Variants in ODR4 observed in about 807,000 individuals in gnomAD.
The protein encoded by ODR4 is protein odr-4 homolog.
ODR4 carries 47 observed loss-of-function variants against 60.2 expected under a neutral mutation model. That is an observed-to-expected ratio of 0.78 (90% CI 0.62 to 1.00). ODR4 has a LOEUF of 1.00. Among genes scored for constraint, ODR4 ranks in the 50% least tolerant of loss-of-function variants. The pLI is 0.00. For missense variants in ODR4, 488 were observed against 530.8 expected (o/e 0.92, Z 0.79); for synonymous variants, 178 against 175.5 (o/e 1.01, Z -0.11).
intron 12 of ODR4, among the ~76,000 whole-genome samples, chr1:186,412,220 C>T (rs777575029): frequency 3.3e-5 from 5 of 152,118 alleles, no homozygotes; most frequent in Admixed American, 2.6e-4. Context: ...ATATGCTGAT[C>T]CCTGGTTTTA....
intron 13 of ODR4, among the ~76,000 whole-genome samples, chr1:186,418,669 T>A (rs1661676567): frequency 6.6e-6 from 1 of 152,242 alleles, no homozygotes; most frequent in African/African-American, 2.4e-5. Context: ...CCGTTTTCTT[T>A]TAACCTACGT....
intron 2 of ODR4, among the ~76,000 whole-genome samples, chr1:186,381,930 G>A (rs1660049141): frequency 6.6e-6 from 1 of 152,146 alleles, no homozygotes; most frequent in Admixed American, 6.5e-5. Context: ...ATCCCAAGAT[G>A]ATACTAATGA....
intron 6 of ODR4, among the ~76,000 whole-genome samples, chr1:186,390,334 A>G (rs1660414290): frequency 6.6e-6 from 1 of 152,214 alleles, no homozygotes; most frequent in African/African-American, 2.4e-5. Flanking sequence ...CAAGGATGGG[A>G]CAGAAAGGAG....
intron 2 of ODR4, among the ~76,000 whole-genome samples, chr1:186,382,210 G>T (rs1219193669): frequency 6.8e-6 from 1 of 146,298 alleles, no homozygotes; most frequent in Non-Finnish European, 1.5e-5. Flanking sequence ...GTTTGACCTA[G>T]CCTGGGCAAC....
chr1:186,406,065 T>A lies in ODR4; in HGVS notation c.1001-18T>A. 1 of 1,509,056 alleles carries A rather than the reference T, an allele frequency of 6.6e-7. No individual in the cohort carries two copies. Among genetic ancestry groups the A allele is most frequent in the Non-Finnish European group, 8.9e-7 (1 of 1,123,314 alleles). 93.5% of individuals were successfully genotyped at this position (1,509,056 alleles called of 1,614,324 possible). The stretch of plus-strand genomic sequence containing the variant: ...GACAAACCTATCTAAATATTGATAA[T>A]ATTTCTTTTCCTTTTAGATTCTGAA... On this transcript the variant is annotated intron_variant, in intron 11 of 13. Transcript: ENST00000287859.
intron 11 of ODR4, among the ~76,000 whole-genome samples, chr1:186,405,668 C>T (rs1187863611): frequency 1.3e-5 from 2 of 152,162 alleles, no homozygotes; most frequent in African/African-American, 4.8e-5. Context: ...CCTCCTGCCT[C>T]AGCCTCCTGA....
intron 9 of ODR4, among the ~76,000 whole-genome samples, chr1:186,397,226 C>T (rs1660716955): frequency 6.6e-6 from 1 of 152,108 alleles, no homozygotes. Context: ...TGTCAGTATT[C>T]TCCTCTTCAT....
chr1:186,385,134 A>G (rs1291327094), intron 3 of ODR4, among the ~76,000 whole-genome samples: 1 of 152,018 alleles, frequency 6.6e-6, no homozygotes, highest in South Asian at 2.1e-4. Context: ...AAATAATTCT[A>G]TGAATGCAGA....
At position 186,421,168 on chromosome 1, in the gene ODR4, C is replaced by T. The variant is rs577245164; in HGVS notation, c.*2092C>T. 6.6e-6 allele frequency: 1 copy of T among 152,066 alleles called. No homozygotes were observed. Among genetic ancestry groups the T allele is most frequent in the Non-Finnish European group, 1.5e-5 (1 of 68,002 alleles). 9.4% of individuals were successfully genotyped at this position (152,066 alleles called of 1,614,324 possible). A position where few individuals can be genotyped will look rare whatever the true frequency, so the allele number is the denominator to read the frequency against. Reference sequence around the variant, plus strand: ...TGAAAAACAGATGTTATCCTCAGCACAAATTCAGTAAAGAGACTACAAAAG... The same window carrying T: ...TGAAAAACAGATGTTATCCTCAGCATAAATTCAGTAAAGAGACTACAAAAG... On this transcript the variant is annotated 3_prime_UTR_variant, in exon 14 of 14. Coordinates refer to ENST00000287859, the MANE Select transcript of ODR4 (RefSeq NM_017847.6).
At chr1:186,410,082 A>G (rs1661316208) in intron 12 of ODR4, among the ~76,000 whole-genome samples, 1 of 152,220 alleles carries the variant, frequency 6.6e-6, no homozygotes. Flanking sequence ...TGTACCTAAA[A>G]CATGGTAGGT....
In ODR4 at chr1:186,411,194, T is replaced by G. The variant is rs1194256407; in HGVS notation, c.1186+4926T>G. Among the ~76,000 whole-genome samples, 6 of 152,068 alleles carry G rather than the reference T, an allele frequency of 3.9e-5. No homozygotes were observed. The East Asian group carries it at 1.2e-3, about 29-fold the overall frequency. On this transcript the variant is annotated intron_variant, in intron 12 of 13. Coordinates refer to ENST00000287859, the MANE Select transcript of ODR4 (RefSeq NM_017847.6). ...GCATTTCAGATTTTGGATTCTTGGGTTAGGAATGCTAAGCTGGTGTACTGC... is the reference window on the plus strand; with the variant it reads ...GCATTTCAGATTTTGGATTCTTGGGGTAGGAATGCTAAGCTGGTGTACTGC...
At chr1:186,378,898 A>G (rs377453305) in intron 1 of ODR4, among the ~76,000 whole-genome samples, 1 of 152,140 alleles carries the variant, frequency 6.6e-6, no homozygotes, top group Non-Finnish European at 1.5e-5. Context: ...ATCTACTTAA[A>G]TAACTCTTAC....
At chr1:186,382,269 AG>A (rs991873638) in intron 2 of ODR4, among the ~76,000 whole-genome samples, 2 of 149,934 alleles carry the variant, frequency 1.3e-5, no homozygotes, top group African/African-American at 2.5e-5. Context: ...AAAAAAAAAA[AG>A]CCAGGCATTA....
chr1:186,432,784 GA>G, the ODR4 span, among the ~76,000 whole-genome samples: 1 of 150,448 alleles, frequency 6.6e-6, no homozygotes, highest in Non-Finnish European at 1.5e-5. Flanking sequence ...GAATCTGGCA[GA>G]TTTTTTTTTT....
chr1:186,384,572 G>GACACACACACACACACACACACAC (rs368870659), intron 3 of ODR4, among the ~76,000 whole-genome samples: 8 of 129,548 alleles, frequency 6.2e-5, no homozygotes, highest in African/African-American at 2.1e-4. Flanking sequence ...AATTGTATAT[G>GACACACACACACACACACACACAC]ACACACACAC....
intron 9 of ODR4, among the ~76,000 whole-genome samples, chr1:186,398,035 A>G (rs896259135): frequency 4.0e-4 from 61 of 152,236 alleles, no homozygotes; most frequent in African/African-American, 2.9e-4. Flanking sequence ...TTTTAGGAGC[A>G]TATCGAGTGA....
At chr1:186,392,760 T>A (rs1660516665) in intron 8 of ODR4, among the ~76,000 whole-genome samples, 2 of 152,092 alleles carry the variant, frequency 1.3e-5, no homozygotes, top group South Asian at 2.1e-4. Flanking sequence ...CCCAGCACTT[T>A]GAGGGGCCAA....
At chr1:186,418,304 T>C (rs1661658446) in intron 13 of ODR4, among the ~76,000 whole-genome samples, 2 of 147,578 alleles carry the variant, frequency 1.4e-5, no homozygotes, top group Non-Finnish European at 1.5e-5. Flanking sequence ...TTTTTTTTTT[T>C]TTTTGAGACG....
At chr1:186,401,393 T>C in intron 11 of ODR4, 1 of 436,758 alleles carries the variant, frequency 2.3e-6, no homozygotes, top group Non-Finnish European at 4.3e-6. Flanking sequence ...ACTTTGAAGT[T>C]CTCGGATTCT....
Sources: allele counts gnomAD v4.1 joint callset (sites outside exome capture counted in the v4.1 genomes callset), GRCh38; gene constraint gnomAD v4.1.1; transcripts MANE v1.5; gene names NCBI Gene and HGNC (gene_info 2026-07-23, HGNC 2026-07-21).